The following NLK variants were observed in gnomAD, a reference collection of about 807,000 sequenced individuals.
NLK encodes the protein serine/threonine-protein kinase NLK.
A neutral mutation model predicts 59.0 loss-of-function variants in NLK; 11 were observed. The ratio of observed to expected loss-of-function variants is 0.19; its 90% CI spans 0.12 to 0.31. The LOEUF is 0.31. Ranked by LOEUF, NLK falls within the 10% of genes least tolerant of loss-of-function variation. NLK has a pLI of 1.00. For synonymous variants in NLK, 235 were observed against 235.9 expected (o/e 1.00, Z 0.03); for missense variants, 410 against 661.1 (o/e 0.62, Z 4.16).
chr17:28,134,813 A>G (rs1906670661), intron 3 of NLK, among the ~76,000 whole-genome samples: 1 of 152,030 alleles, frequency 6.6e-6, no homozygotes, highest in Non-Finnish European at 1.5e-5. Flanking sequence ...ACCTGGCCAG[A>G]TGGTTCTGAC....
At chr17:28,163,157 A>G (rs1385372081) in intron 4 of NLK, among the ~76,000 whole-genome samples, 1 of 152,216 alleles carries the variant, frequency 6.6e-6, no homozygotes, top group Non-Finnish European at 1.5e-5. Context: ...TCCCTGTAGT[A>G]ATGGAAACTG....
At chr17:28,203,533 T>G in the NLK span, among the ~76,000 whole-genome samples, 3 of 152,068 alleles carry the variant, frequency 2.0e-5, no homozygotes, top group African/African-American at 7.2e-5. Flanking sequence ...CTGTTGATCT[T>G]TCTTTCTTTT....
In NLK at chr17:28,168,404, A is replaced by G. The variant is rs374361790; in HGVS notation, c.838-44A>G. ...TTTTGATGTTTTGTTTTACTCTTTCATTTGTATTTGCTTGATAATGTTTTG... is the reference window on the plus strand; with the variant it reads ...TTTTGATGTTTTGTTTTACTCTTTCGTTTGTATTTGCTTGATAATGTTTTG... On this transcript the variant is annotated intron_variant, in intron 5 of 10. Transcript: ENST00000407008. 16 of 1,406,232 alleles carry G rather than the reference A, an allele frequency of 1.1e-5. No homozygotes were observed. In the African/African-American group the frequency reaches 2.0e-4, roughly 18 times the overall value. 87.1% of individuals were successfully genotyped at this position (1,406,232 alleles called of 1,614,324 possible). A position where few individuals can be genotyped will look rare whatever the true frequency, so the allele number is the denominator to read the frequency against.
At chr17:28,141,833 A>C (rs1237331273) in intron 3 of NLK, among the ~76,000 whole-genome samples, 3 of 152,190 alleles carry the variant, frequency 2.0e-5, no homozygotes, top group Non-Finnish European at 4.4e-5. Flanking sequence ...TTCCTAATCT[A>C]TATAGAGGCT....
chr17:28,155,554 G>A (rs560726451), intron 3 of NLK, among the ~76,000 whole-genome samples: 2 of 152,262 alleles, frequency 1.3e-5, no homozygotes, highest in Admixed American at 1.3e-4. Context: ...TGATAGACTG[G>A]ATTAAGAAAA....
rs1028465977 is a variant in NLK at position 28,159,813 on chromosome 17, A to G, written c.645-1347A>G. Among the ~76,000 whole-genome samples, 7 of 152,360 alleles carry G rather than the reference A, an allele frequency of 4.6e-5. No individual in the cohort carries two copies. The East Asian group carries it at 9.6e-4, about 21-fold the overall frequency. ...ATCCTGGCTGCTGTTTTAGAAATCT[A>G]GCAGTCTTGGGCCAGAGTAGTAACA... On this transcript the variant is annotated intron_variant, in intron 3 of 10. Transcript: ENST00000407008.
intron 1 of NLK, among the ~76,000 whole-genome samples, chr17:28,097,333 G>C (rs1050464955): frequency 3.9e-5 from 6 of 152,106 alleles, no homozygotes; most frequent in African/African-American, 1.4e-4. Context: ...TTTAATAAAT[G>C]AGTTTCATTT....
At position 28,164,441 on chromosome 17, in the gene NLK, A is replaced by G. The variant is rs540549144; in HGVS notation, c.837+813A>G. Among the ~76,000 whole-genome samples, 7 of 152,156 alleles carry G rather than the reference A, an allele frequency of 4.6e-5. No homozygotes were observed. The East Asian group carries it at 9.6e-4, about 21-fold the overall frequency. The stretch of plus-strand genomic sequence containing the variant: ...ATATGCATCTATCCAATGTATTTCC[A>G]TAATGTATAGTAGCCAATTCTTAAT... On this transcript the variant is annotated intron_variant, in intron 5 of 10. Coordinates refer to ENST00000407008, the MANE Select transcript of NLK (RefSeq NM_016231.5).
intron 1 of NLK, among the ~76,000 whole-genome samples, chr17:28,057,441 G>A (rs1056113815): frequency 3.3e-5 from 5 of 152,202 alleles, no homozygotes; most frequent in Non-Finnish European, 5.9e-5. Flanking sequence ...ATTTTGGAAT[G>A]CTATTCATTC....
intron 7 of NLK, among the ~76,000 whole-genome samples, chr17:28,183,032 G>A (rs1405571864): frequency 1.3e-5 from 2 of 152,152 alleles, no homozygotes; most frequent in Non-Finnish European, 2.9e-5. Context: ...AGTTTTATAG[G>A]GAACCCCTGA....
intron 1 of NLK, among the ~76,000 whole-genome samples, chr17:28,092,636 C>G (rs2142779631): frequency 6.6e-6 from 1 of 152,126 alleles, no homozygotes; most frequent in African/African-American, 2.4e-5. Flanking sequence ...TTAGTAAAGC[C>G]CTCCCCTTCA....
intron 1 of NLK, among the ~76,000 whole-genome samples, chr17:28,049,422 C>T (rs1361062550): frequency 2.0e-5 from 3 of 152,170 alleles, no homozygotes; most frequent in South Asian, 2.1e-4. Context: ...ATTGTCACTT[C>T]GCTGTGGACC....
At chr17:28,082,797 A>T (rs1910392288) in intron 1 of NLK, among the ~76,000 whole-genome samples, 1 of 152,226 alleles carries the variant, frequency 6.6e-6, no homozygotes, top group African/African-American at 2.4e-5. Context: ...CATGTTTGTA[A>T]TGTCTACGTA....
At position 28,109,368 on chromosome 17, in the gene NLK, C is replaced by T. The variant is rs139705134; in HGVS notation, c.459-13235C>T. Among the ~76,000 whole-genome samples, 9 of 152,210 alleles carry T rather than the reference C, an allele frequency of 5.9e-5. 1 individual carries two copies. Among genetic ancestry groups the T allele is most frequent in the Middle Eastern group, 3.4e-3 (1 of 294 alleles). ...ATATTCTATGGTGATGATTTTTGTT[C>T]TAACAACTTTATTGAGGCATAATTT... is the stretch of plus-strand genomic sequence containing the variant. On this transcript the variant is annotated intron_variant, in intron 1 of 10. Transcript: ENST00000407008.
At chr17:28,140,603 A>G (rs1307260021) in intron 3 of NLK, among the ~76,000 whole-genome samples, 1 of 152,188 alleles carries the variant, frequency 6.6e-6, no homozygotes, top group Admixed American at 6.5e-5. Context: ...CTCAGCAAAG[A>G]TGTACCAGCA....
At chr17:28,180,086 G>A (rs1053372532) in intron 7 of NLK, among the ~76,000 whole-genome samples, 12 of 152,100 alleles carry the variant, frequency 7.9e-5, no homozygotes, top group African/African-American at 9.6e-5. Context: ...AATTTTAATC[G>A]TTGTCTTTCT....
At chr17:28,093,497 A>T (rs1384649176) in intron 1 of NLK, among the ~76,000 whole-genome samples, 1 of 152,184 alleles carries the variant, frequency 6.6e-6, no homozygotes, top group Non-Finnish European at 1.5e-5. Context: ...GTGAAATGTG[A>T]TGGTCATCAA....
intron 3 of NLK, among the ~76,000 whole-genome samples, chr17:28,152,034 T>A (rs1449785855): frequency 6.6e-6 from 1 of 152,222 alleles, no homozygotes; most frequent in Non-Finnish European, 1.5e-5. Flanking sequence ...TCTGTGTTAG[T>A]TGAATTATAT....
At chr17:28,069,524 C>A (rs539065359) in intron 1 of NLK, among the ~76,000 whole-genome samples, 1 of 152,300 alleles carries the variant, frequency 6.6e-6, no homozygotes, top group Non-Finnish European at 1.5e-5. Context: ...AGAGTTCTAA[C>A]CCACTTGCAA....
Sources: allele counts gnomAD v4.1 joint callset (sites outside exome capture counted in the v4.1 genomes callset), GRCh38; gene constraint gnomAD v4.1.1; transcripts MANE v1.5; gene names NCBI Gene and HGNC (gene_info 2026-07-23, HGNC 2026-07-21).